KIRREL3: variants seen among roughly 807,000 people sequenced by gnomAD.
The protein encoded by KIRREL3 is kin of IRRE-like protein 3.
In KIRREL3, 36 loss-of-function variants were observed where a neutral mutation model predicts 89.7. The observed-to-expected ratio is 0.40, with a 90% CI of 0.31 to 0.53. The LOEUF is 0.53. KIRREL3 is among the 20% of genes least tolerant of loss of function. KIRREL3 has a pLI of 0.49. For missense variants in KIRREL3, 864 were observed against 1,056.6 expected (o/e 0.82, Z 2.53); for synonymous variants, 445 against 441.4 (o/e 1.01, Z -0.10).
Position 126,558,658 on chromosome 11 carries a change from A to C in KIRREL3, c.133+4177T>G, listed in dbSNP as rs1939882342. On this transcript the variant is annotated intron_variant, in intron 2 of 16. Transcript: ENST00000525144. This position sits in a 1 kb window ranked among gnomAD's most constrained non-coding sequence, Gnocchi z 4.0. ...GAGGCCTGAGCTCTCTGAGGCAGGC[A>C]CAGCCCCTCCCCTGATACATGTGAC... 6.6e-6 allele frequency among the ~76,000 whole-genome samples: 1 copy of C among 152,192 alleles called. No homozygotes were observed. The highest frequency in any genetic ancestry group is 1.5e-5 in the Non-Finnish European group (1 of 68,030).
chr11:126,782,880 C>T lies in KIRREL3; in HGVS notation c.55+217575G>A, dbSNP rs1472928125. Among the ~76,000 whole-genome samples the T allele has an allele frequency of 6.6e-6, 1 of 152,158 alleles. No individual in the cohort carries two copies. The highest frequency in any genetic ancestry group is 1.5e-5 in the Non-Finnish European group (1 of 68,028). On this transcript the variant is annotated intron_variant, in intron 1 of 16. Coordinates refer to ENST00000525144, the MANE Select transcript of KIRREL3 (RefSeq NM_032531.4). This position sits in a 1 kb window ranked among gnomAD's most constrained non-coding sequence, Gnocchi z 4.1. ...CAACATTACAGTAGCAACAAGCACA[C>T]CTAACAATCCAGAGTTTGGTTTCTG...
chr11:126,834,391 C>G (rs1798366025), intron 1 of KIRREL3, among the ~76,000 whole-genome samples: 1 of 152,158 alleles, frequency 6.6e-6, no homozygotes, highest in African/African-American at 2.4e-5. Flanking sequence ...CAATTTGGGC[C>G]TAAGAGAAAA....
intron 1 of KIRREL3, among the ~76,000 whole-genome samples, chr11:126,882,181 A>C (rs749008861): frequency 2.6e-5 from 4 of 152,170 alleles, no homozygotes; most frequent in Non-Finnish European, 5.9e-5. Context: ...TTTTCACTGA[A>C]GGATCCTTTC....
intron 1 of KIRREL3, among the ~76,000 whole-genome samples, chr11:126,855,667 G>A (rs1317577872): frequency 6.6e-6 from 1 of 152,238 alleles, no homozygotes; most frequent in Non-Finnish European, 1.5e-5. Context: ...GCCAGATGGG[G>A]CAGGCTTGCC....
chr11:126,578,296 A>C lies in KIRREL3; in HGVS notation c.56-15384T>G, dbSNP rs1450433611. ...TCCCCTCCAGCTTCTCTGCAAATGC[A>C]AGACTCTGGCTTCATTCCCTGGTCC... On this transcript the variant is annotated intron_variant, in intron 1 of 16. Coordinates refer to ENST00000525144, the MANE Select transcript of KIRREL3 (RefSeq NM_032531.4). This position sits in a 1 kb window ranked among gnomAD's most constrained non-coding sequence, Gnocchi z 4.9. Among the ~76,000 whole-genome samples the C allele has an allele frequency of 6.6e-6, 1 of 152,180 alleles. No individual in the cohort carries two copies. The highest frequency in any genetic ancestry group is 3.2e-3 in the Middle Eastern group (1 of 316).
At chr11:126,680,415 T>TATATATATATATATATATACAC in intron 1 of KIRREL3, among the ~76,000 whole-genome samples, 1 of 151,598 alleles carries the variant, frequency 6.6e-6, no homozygotes, top group African/African-American at 2.4e-5. Context: ...TATATATATA[T>TATATATATATATATATATACAC]ACACATAGCC....
rs1289548379 is a variant in KIRREL3, at chr11:126,999,942, A to G, written c.55+513T>C. ...CCAACCACTGCAAATTACCCCCCAC[A>G]ATACATTCTGTAATTGCAACCCCCT... On this transcript the variant is annotated intron_variant, in intron 1 of 16. Coordinates refer to ENST00000525144, the MANE Select transcript of KIRREL3 (RefSeq NM_032531.4). This position sits in a 1 kb window ranked among gnomAD's most constrained non-coding sequence, Gnocchi z 5.7. 6.6e-6 allele frequency among the ~76,000 whole-genome samples: 1 copy of G among 152,088 alleles called. No individual in the cohort carries two copies. The highest frequency in any genetic ancestry group is 1.5e-5 in the Non-Finnish European group (1 of 68,032).
At position 126,568,780 on chromosome 11, in the gene KIRREL3, TA is replaced by T. The variant is rs1940710926; in HGVS notation, c.56-5869del. On this transcript the variant is annotated intron_variant, in intron 1 of 16. Coordinates refer to ENST00000525144, the MANE Select transcript of KIRREL3 (RefSeq NM_032531.4). The surrounding 1 kb of genome is among the most constrained non-coding windows in gnomAD (Gnocchi z 4.6). ...GCAAAAGTGCCCAGAATGAAGTACC[TA>T]ATAAGGGTGAGTTCAATAAATAGAA... Among the ~76,000 whole-genome samples the T allele has an allele frequency of 6.6e-6, 1 of 152,144 alleles. No individual in the cohort carries two copies. The highest frequency in any genetic ancestry group is 1.5e-5 in the Non-Finnish European group (1 of 68,034).
chr11:126,834,647 G>A (rs1943718888), intron 1 of KIRREL3, among the ~76,000 whole-genome samples: 1 of 152,232 alleles, frequency 6.6e-6, no homozygotes, highest in Admixed American at 6.5e-5. Flanking sequence ...TGCCCTATCT[G>A]ATTTGTAAAG....
intron 1 of KIRREL3, among the ~76,000 whole-genome samples, chr11:126,959,345 G>A (rs891450265): frequency 2.6e-5 from 4 of 151,792 alleles, no homozygotes; most frequent in African/African-American, 4.9e-5. Flanking sequence ...ACATGTGCAC[G>A]TGCATGCGAG....
chr11:126,432,110 C>G lies in KIRREL3; in HGVS notation c.1589-584G>C, dbSNP rs536231915. On this transcript the variant is annotated intron_variant, in intron 13 of 16. Transcript: ENST00000525144. This position sits in a 1 kb window ranked among gnomAD's most constrained non-coding sequence, Gnocchi z 6.2. ...CCTCAGGTGTCCAAGTCTCAGGGTC[C>G]AGGGAGCAGGGTTACAGCTTCTCCA... is the stretch of plus-strand genomic sequence containing the variant. Among the ~76,000 whole-genome samples the G allele has an allele frequency of 7.2e-5, 11 of 152,250 alleles. No homozygotes were observed. The highest frequency in any genetic ancestry group is 7.2e-4 in the Admixed American group (11 of 15,288).
chr11:126,878,411 C>A (rs902428073), intron 1 of KIRREL3, among the ~76,000 whole-genome samples: 1 of 151,962 alleles, frequency 6.6e-6, no homozygotes, highest in Non-Finnish European at 1.5e-5. Context: ...GGGGAGGGAG[C>A]AATTGCTGAC....
At chr11:126,447,249 G>T (rs1034817318) in intron 8 of KIRREL3, among the ~76,000 whole-genome samples, 8 of 151,966 alleles carry the variant, frequency 5.3e-5, no homozygotes, top group Non-Finnish European at 8.8e-5. Flanking sequence ...CTAGAAAGCT[G>T]CGGAAGCCCC....
chr11:126,523,194 A>G lies in KIRREL3; in HGVS notation c.284-1730T>C, dbSNP rs2134435238. Among the ~76,000 whole-genome samples the G allele has an allele frequency of 6.6e-6, 1 of 152,230 alleles. No homozygotes were observed. Among genetic ancestry groups the G allele is most frequent in the East Asian group, 1.9e-4 (1 of 5,168 alleles). On this transcript the variant is annotated intron_variant, in intron 3 of 16. Transcript: ENST00000525144. The surrounding 1 kb of genome is among the most constrained non-coding windows in gnomAD (Gnocchi z 4.9). Reference sequence around the variant, plus strand: ...TGCCAGAGAGTGTAGTGAGGTCCCCATCACTGGCTGTATTCAAGCAGAGGT... The same window carrying G: ...TGCCAGAGAGTGTAGTGAGGTCCCCGTCACTGGCTGTATTCAAGCAGAGGT...
intron 1 of KIRREL3, among the ~76,000 whole-genome samples, chr11:126,588,502 G>T (rs1465080200): frequency 6.6e-6 from 1 of 152,176 alleles, no homozygotes; most frequent in African/African-American, 2.4e-5. Flanking sequence ...GTGGAGCCTT[G>T]CTGCGGGCCC....
rs1224109823 is a variant in KIRREL3 at position 126,723,882 on chromosome 11, C to T, written c.56-160970G>A. 6.6e-6 allele frequency among the ~76,000 whole-genome samples: 1 copy of T among 152,180 alleles called. No homozygotes were observed. The highest frequency in any genetic ancestry group is 1.9e-4 in the East Asian group (1 of 5,196). On this transcript the variant is annotated intron_variant, in intron 1 of 16. Transcript: ENST00000525144. This position sits in a 1 kb window ranked among gnomAD's most constrained non-coding sequence, Gnocchi z 4.0. ...TACTTTAAATGAAGGTAAAAACCAT[C>T]ATTGTTTTCTCTCTGCCTAGGGTTT...
intron 2 of KIRREL3, chr11:126,543,903 G>C (rs1461537153): frequency 6.6e-6 from 1 of 152,270 alleles, no homozygotes. Flanking sequence ...GGAGCCTTGG[G>C]TCTTTGCCAC....
intron 2 of KIRREL3, among the ~76,000 whole-genome samples, chr11:126,534,272 AG>A (rs1431854577): frequency 3.0e-5 from 1 of 33,658 alleles, no homozygotes; most frequent in Non-Finnish European, 6.1e-5. Flanking sequence ...TGGAAGGGGT[AG>A]GGGGCGTCTC....
At chr11:126,941,250 T>A (rs1430639736) in intron 1 of KIRREL3, among the ~76,000 whole-genome samples, 1 of 150,298 alleles carries the variant, frequency 6.7e-6, no homozygotes, top group East Asian at 1.9e-4. Flanking sequence ...GCAGTTATAG[T>A]AAAAACAAAC....
Sources: allele counts gnomAD v4.1 joint callset (sites outside exome capture counted in the v4.1 genomes callset), GRCh38; gene constraint gnomAD v4.1.1; non-coding constraint Gnocchi (gnomAD v3.1); transcripts MANE v1.5; gene names NCBI Gene and HGNC (gene_info 2026-07-23, HGNC 2026-07-21).